The following IL20 variants were observed in gnomAD, a reference collection of about 807,000 sequenced individuals.
The protein encoded by IL20 is interleukin 20.
IL20 carries 22 observed loss-of-function variants against 19.2 expected under a neutral mutation model. The observed-to-expected ratio is 1.15, with a 90% CI of 0.82 to 1.64. IL20 has a LOEUF of 1.64. Ranked by LOEUF, IL20 falls within the 40% of genes most tolerant of loss-of-function variation. IL20 has a pLI of 0.00. For synonymous variants in IL20, 70 were observed against 76.2 expected, an observed-to-expected ratio of 0.92 and a Z score of 0.43; for missense variants, 215 against 212.8, an observed-to-expected ratio of 1.01 and a Z score of -0.06.
At chr1:206,866,733 G>A (rs1187143047) in intron 4 of IL20, 97 bp downstream of exon 4, 1 of 1,197,622 alleles carries the variant, frequency 8.3e-7, no homozygotes, top group Non-Finnish European at 1.2e-6. Flanking sequence ...AATGGATGGA[G>A]AAACTGAGTC....
chr1:206,864,273 G>T (rs1677489454), upstream of IL20, among the ~76,000 whole-genome samples: 1 of 152,008 alleles, frequency 6.6e-6, no homozygotes. Flanking sequence ...ACATTTGACA[G>T]TATCTCGAGT....
At chr1:206,866,167 A>T in intron 2 of IL20, 132 bp from the exon 3 acceptor site, 1 of 1,166,256 alleles carries the variant, frequency 8.6e-7, no homozygotes. Flanking sequence ...CTGTAGTTCA[A>T]ATATTTAAAA....
upstream of IL20, chr1:206,865,460 A>C: frequency 9.9e-7 from 1 of 1,005,770 alleles, no homozygotes; most frequent in Non-Finnish European, 1.2e-6. This position sits in a 1 kb window ranked among gnomAD's most constrained non-coding sequence, Gnocchi z 4.1. Flanking sequence ...AGGGGAGGCT[A>C]TATGCGTCAA....
At position 206,865,775 on chromosome 1, in the gene IL20, G is replaced by A. The variant is rs1486114194; in HGVS notation, c.-30-48G>A. 1.3e-6 allele frequency: 2 copies of A among 1,509,306 alleles called. No homozygotes were observed. The highest frequency in any genetic ancestry group is 2.8e-5 in the African/African-American group (2 of 72,520). 93.5% of individuals were successfully genotyped at this position (1,509,306 alleles called of 1,614,324 possible). ...CCCACCCCTCACCCCGTGGACACTT[G>A]GAGGAGGGGAAACTCAGTAAGTCAT... is the stretch of plus-strand genomic sequence containing the variant. On this transcript the variant is annotated intron_variant, in intron 1 of 5. Coordinates refer to ENST00000367098, the MANE Select transcript of IL20 (RefSeq NM_018724.4). This position sits in a 1 kb window ranked among gnomAD's most constrained non-coding sequence, Gnocchi z 4.1.
In IL20 at chr1:206,865,800, T is replaced by C. The variant is rs987479274; in HGVS notation, c.-30-23T>C. ...GGAGGAGGGGAAACTCAGTAAGTCA[T>C]GCTCTCTTCTTTGAATTCCTAGCTC... On this transcript the variant is annotated intron_variant, in intron 1 of 5. Transcript: ENST00000367098. The surrounding 1 kb of genome is among the most constrained non-coding windows in gnomAD (Gnocchi z 4.1). 2.6e-6 allele frequency: 4 copies of C among 1,545,148 alleles called. No individual in the cohort carries two copies. Among genetic ancestry groups the C allele is most frequent in the Admixed American group, 3.5e-5 (2 of 57,320 alleles).
chr1:206,864,111 C>T (rs1156595884), upstream of IL20, among the ~76,000 whole-genome samples: 5 of 152,070 alleles, frequency 3.3e-5, no homozygotes, highest in South Asian at 4.1e-4. Flanking sequence ...GGAACCATTC[C>T]CTGCCCCCCA....
intron 5 of IL20, among the ~76,000 whole-genome samples, chr1:206,868,016 G>T (rs568812111): frequency 6.6e-5 from 10 of 152,142 alleles, no homozygotes; most frequent in African/African-American, 2.4e-4. Context: ...CATTTTAGTT[G>T]CCTGTTTTTG....
upstream of IL20, among the ~76,000 whole-genome samples, chr1:206,864,584 ACTGTC>A (rs1191606815): frequency 6.6e-6 from 1 of 151,708 alleles, no homozygotes; most frequent in Non-Finnish European, 1.5e-5. Flanking sequence ...TTATAATTTT[ACTGTC>A]CTGGTTTTAA....
At chr1:206,866,461 A>T in intron 3 of IL20, 23 bp from the exon 4 acceptor site, 1 of 1,613,960 alleles carries the variant, frequency 6.2e-7, no homozygotes, top group Non-Finnish European at 8.5e-7. Flanking sequence ...TCCCCTCACC[A>T]ATATACCTGT....
intron 4 of IL20, among the ~76,000 whole-genome samples, 169 bp from the exon 5 acceptor site, chr1:206,867,215 A>G (rs561785396): frequency 2.0e-5 from 3 of 152,248 alleles, no homozygotes; most frequent in East Asian, 3.9e-4. Context: ...TTCCTCTCCT[A>G]GCTGATGATG....
intron 5 of IL20, among the ~76,000 whole-genome samples, chr1:206,868,168 G>A (rs757620972): frequency 5.4e-5 from 8 of 149,352 alleles, no homozygotes; most frequent in South Asian, 2.1e-4. Context: ...ACACAGGCAC[G>A]TGCACACACA....
chr1:206,864,918 A>G (rs750621493), upstream of IL20, among the ~76,000 whole-genome samples: 1 of 152,150 alleles, frequency 6.6e-6, no homozygotes, highest in Non-Finnish European at 1.5e-5. Context: ...TTATTATTTT[A>G]TCTTAAAACT....
rs1232426954 is a variant in IL20 at position 206,868,986 on chromosome 1, A to C, written c.*422A>C. ...AGAAGAGTGGCTAGGGGGGTTATTC[A>C]TTTGTATTCAACTAAGGACATATTT... On this transcript the variant is annotated 3_prime_UTR_variant, in exon 6 of 6. Transcript: ENST00000367098. The C allele has an allele frequency of 6.6e-6, 1 of 151,756 alleles. No individual in the cohort carries two copies. Among genetic ancestry groups the C allele is most frequent in the Admixed American group, 6.6e-5 (1 of 15,220 alleles). The allele number at this position is 151,756 out of a possible 1,614,324, so 9.4% of individuals were successfully genotyped here. A position where few individuals can be genotyped will look rare whatever the true frequency, so the allele number is the denominator to read the frequency against.
In IL20 at chr1:206,868,676, G is replaced by C; in HGVS notation, c.*112G>C. On this transcript the variant is annotated 3_prime_UTR_variant, in exon 6 of 6. Coordinates refer to ENST00000367098, the MANE Select transcript of IL20 (RefSeq NM_018724.4). The stretch of plus-strand genomic sequence containing the variant: ...CATCTCTTTACTGTACTAGTCTTGT[G>C]CTGGTCACAGTGTATCTTATTTATG... 1.7e-6 allele frequency: 1 copy of C among 601,764 alleles called. No homozygotes were observed. The highest frequency in any genetic ancestry group is 2.6e-6 in the Non-Finnish European group (1 of 377,648). The allele number at this position is 601,764 out of a possible 1,614,324, so 37.3% of individuals were successfully genotyped here. A position where few individuals can be genotyped will look rare whatever the true frequency, so the allele number is the denominator to read the frequency against.
intron 5 of IL20, among the ~76,000 whole-genome samples, chr1:206,868,005 A>G (rs1677607384): frequency 6.6e-6 from 1 of 151,956 alleles, no homozygotes; most frequent in Admixed American, 6.6e-5. Context: ...TCACCACACT[A>G]CATTTTAGTT....
chr1:206,865,937 A>T lies in IL20; in HGVS notation c.85A>T (p.Asn29Tyr). The T allele has an allele frequency of 6.2e-7, 1 of 1,614,122 alleles. No homozygotes were observed. The highest frequency in any genetic ancestry group is 8.5e-7 in the Non-Finnish European group (1 of 1,180,012). The change falls in exon 2 of 6, where the codon AAT becomes TAT. Residue 29 changes from asparagine (N) to tyrosine (Y), a missense_variant. Physicochemically the swap from Asn to Tyr is moderately radical, Grantham distance 143. Coordinates refer to ENST00000367098, the MANE Select transcript of IL20 (RefSeq NM_018724.4). The surrounding 1 kb of genome is among the most constrained non-coding windows in gnomAD (Gnocchi z 4.1). ...TCCTTCCACTGGACTGAAGACACTC[A>T]ATTTGGGAAGCTGTGTGATCGCCAC... ...WTPSTGLKTL[N>Y]LGSCVIATNL...
In IL20 at chr1:206,865,754, C is replaced by G; in HGVS notation, c.-31+68C>G. ...GCTGTTCTCTTCCCCTGACCCCCCA[C>G]CCCTCACCCCGTGGACACTTGGAGG... On this transcript the variant is annotated intron_variant, in intron 1 of 5. Coordinates refer to ENST00000367098, the MANE Select transcript of IL20 (RefSeq NM_018724.4). The surrounding 1 kb of genome is among the most constrained non-coding windows in gnomAD (Gnocchi z 4.1). 14 of 1,525,804 alleles carry G rather than the reference C, an allele frequency of 9.2e-6. No individual in the cohort carries two copies. Among genetic ancestry groups the G allele is most frequent in the Non-Finnish European group, 1.2e-5 (14 of 1,132,264 alleles). 94.5% of individuals were successfully genotyped at this position (1,525,804 alleles called of 1,614,324 possible).
At position 206,865,675 on chromosome 1, in the gene IL20, C is replaced by A. The variant is rs1252974253; in HGVS notation, c.-42C>A. On this transcript the variant is annotated 5_prime_UTR_variant, in exon 1 of 6. Transcript: ENST00000367098. The surrounding 1 kb of genome is among the most constrained non-coding windows in gnomAD (Gnocchi z 4.1). ...AATCTTCTCTTCACGGGAGGCTTGG[C>A]AGTTTTTCTTAGTAAGTTGCGTGGA... 2 of 1,389,132 alleles carry A rather than the reference C, an allele frequency of 1.4e-6. No homozygotes were observed. The highest frequency in any genetic ancestry group is 1.9e-6 in the Non-Finnish European group (2 of 1,073,280). 86.1% of individuals were successfully genotyped at this position (1,389,132 alleles called of 1,614,324 possible). A position where few individuals can be genotyped will look rare whatever the true frequency, so the allele number is the denominator to read the frequency against.
chr1:206,866,374 T>C lies in IL20; in HGVS notation c.225+10T>C, dbSNP rs1322849385. 2 of 1,613,916 alleles carry C rather than the reference T, an allele frequency of 1.2e-6. No individual in the cohort carries two copies. Among genetic ancestry groups the C allele is most frequent in the Non-Finnish European group, 1.7e-6 (2 of 1,179,790 alleles). The stretch of plus-strand genomic sequence containing the variant: ...TTTGCAAGACACAAAGGTATGTGCT[T>C]GGCCCAGACAAACTCTGGGAGGAGG... On this transcript the variant is annotated intron_variant, in intron 3 of 5. Transcript: ENST00000367098.
Sources: gnomAD v4.1 joint callset for allele counts (sites outside exome capture counted in the v4.1 genomes callset) on GRCh38, gnomAD v4.1.1 for gene constraint, Gnocchi (gnomAD v3.1) non-coding constraint, MANE v1.5 for transcripts, NCBI Gene and HGNC (gene_info 2026-07-23, HGNC 2026-07-21) for gene names.